The following BEND6 variants were observed in gnomAD, a reference collection of about 807,000 sequenced individuals.
BEND6 encodes BEN domain containing 6.
Under a neutral mutation model 31.8 loss-of-function variants are expected in BEND6, and 24 were observed. The observed-to-expected ratio is 0.75, with a 90% CI of 0.55 to 1.06. The LOEUF (loss-of-function observed/expected upper bound fraction) is 1.06, where lower values mean the gene tolerates loss of function less well. Among genes scored for constraint, BEND6 ranks in the 50% least tolerant of loss-of-function variants. BEND6 has a pLI of 0.00. For missense variants in BEND6, 294 were observed against 327.4 expected, an observed-to-expected ratio of 0.90 and a Z score of 0.79; for synonymous variants, 109 against 114.6, an observed-to-expected ratio of 0.95 and a Z score of 0.31.
chr6:56,999,682 C>T (rs1234104435), intron 3 of BEND6, among the ~76,000 whole-genome samples: 2 of 152,256 alleles, frequency 1.3e-5, no homozygotes. Context: ...GCACAGACCA[C>T]TGTGTACTCC....
At chr6:56,979,755 A>G (rs1279680602) in intron 1 of BEND6, among the ~76,000 whole-genome samples, 3 of 152,192 alleles carry the variant, frequency 2.0e-5, no homozygotes, top group Admixed American at 1.3e-4. Flanking sequence ...AATATCCTAC[A>G]TTTGGCCTAT....
At position 56,980,578 on chromosome 6, in the gene BEND6, C is replaced by G. The variant is rs984781710; in HGVS notation, c.-100-1133C>G. Among the ~76,000 whole-genome samples the G allele has an allele frequency of 1.1e-4, 16 of 152,262 alleles. No homozygotes were observed. The East Asian group carries it at 1.4e-3, about 13-fold the overall frequency. ...GTGAGTCAGATTTGACAGTATAGTC[C>G]TGTGTTAGCTCAAGCACTATTCATG... On this transcript the variant is annotated intron_variant, in intron 1 of 6. Coordinates refer to ENST00000370746, the MANE Select transcript of BEND6 (RefSeq NM_152731.3).
At chr6:57,021,342 G>A (rs1158001087) in intron 6 of BEND6, among the ~76,000 whole-genome samples, 1 of 152,042 alleles carries the variant, frequency 6.6e-6, no homozygotes, top group Non-Finnish European at 1.5e-5. Context: ...TAACTCACAG[G>A]AGCCTATGGC....
At chr6:57,012,629 C>G (rs1340611886) in intron 3 of BEND6, among the ~76,000 whole-genome samples, 3 of 151,998 alleles carry the variant, frequency 2.0e-5, no homozygotes, top group African/African-American at 7.3e-5. Context: ...TTTAATAAAA[C>G]AGGCAAAATA....
At chr6:56,989,464 T>A (rs187073986) in intron 2 of BEND6, among the ~76,000 whole-genome samples, 4 of 152,316 alleles carry the variant, frequency 2.6e-5, no homozygotes, top group Admixed American at 2.6e-4. Context: ...GTTTCTCTTA[T>A]GTATAGACCT....
chr6:56,986,973 C>CTTT (rs869195941), intron 2 of BEND6, among the ~76,000 whole-genome samples: 5 of 123,810 alleles, frequency 4.0e-5, no homozygotes, highest in African/African-American at 6.0e-5. Context: ...TGTTTCTTTT[C>CTTT]TTTTTTTTTT....
At chr6:57,012,923 A>G (rs1304290132) in intron 3 of BEND6, among the ~76,000 whole-genome samples, 2 of 152,048 alleles carry the variant, frequency 1.3e-5, no homozygotes, top group Non-Finnish European at 2.9e-5. Flanking sequence ...CTGTGCCTCT[A>G]ACGACCCCCT....
chr6:57,015,211 C>T lies in BEND6; in HGVS notation c.377C>T (p.Ser126Phe). The T allele has an allele frequency of 6.2e-7, 1 of 1,614,148 alleles. No homozygotes were observed. The highest frequency in any genetic ancestry group is 8.5e-7 in the Non-Finnish European group (1 of 1,180,026). ...EALLKGGGTM[S>F]TSASTLWRAT... ...CTGCTTAAGGGTGGGGGAACCATGT[C>T]TACATCTGCATCCACCCTCTGGAGA... Residue 126 changes from serine (S) to phenylalanine (F), a missense_variant, in exon 4 of 7, where the codon TCT (serine) becomes TTT (phenylalanine). By Grantham distance (155) the Ser-to-Phe change is radical. Transcript: ENST00000370746.
intron 5 of BEND6, 140 bp downstream of exon 5, chr6:57,017,539 C>T: frequency 3.0e-6 from 2 of 663,602 alleles, no homozygotes; most frequent in Non-Finnish European, 4.3e-6. Context: ...GTCTAAAGCT[C>T]TCATTAAATA....
rs200334204 is a variant in BEND6 at position 57,018,447 on chromosome 6, A to G, written c.739A>G (p.Thr247Ala). 57 of 1,585,096 alleles carry G rather than the reference A, an allele frequency of 3.6e-5. No individual in the cohort carries two copies. Among genetic ancestry groups the G allele is most frequent in the Non-Finnish European group, 4.6e-5 (54 of 1,171,116 alleles). ...AGTAACAAAACAATTATTTCCCAAT[A>G]CGGATGATGTTTCAATTAGGAGAAT... is the stretch of plus-strand genomic sequence containing the variant. ...IGVTKQLFPN[T>A]DDVSIRRMIG... Residue 247 changes from threonine (T) to alanine (A), a missense_variant, in exon 6 of 7, where the codon ACG becomes GCG. Coordinates refer to ENST00000370746, the MANE Select transcript of BEND6 (RefSeq NM_152731.3).
chr6:56,995,101 T>C (rs914138413), intron 3 of BEND6, among the ~76,000 whole-genome samples: 7 of 151,918 alleles, frequency 4.6e-5, no homozygotes, highest in African/African-American at 1.7e-4. Flanking sequence ...CCAGATCCCA[T>C]CCCCTTTTTT....
intron 3 of BEND6, chr6:57,010,876 T>C: frequency 1.5e-6 from 1 of 674,954 alleles, no homozygotes; most frequent in Non-Finnish European, 1.8e-6. Flanking sequence ...TAAAATGTTA[T>C]AAAATTAAAA....
intron 6 of BEND6, among the ~76,000 whole-genome samples, chr6:57,021,884 G>A (rs34949810): frequency 0.011 from 1,733 of 152,242 alleles, 14 homozygotes; most frequent in South Asian, 0.023. Flanking sequence ...TTCCTCCAAC[G>A]CAGGGTATTT....
At position 57,015,063 on chromosome 6, in the gene BEND6, C is replaced by T. The variant is rs889291684; in HGVS notation, c.299-70C>T. On this transcript the variant is annotated intron_variant, in intron 3 of 6. Transcript: ENST00000370746. ...CATATTTCTATGCACATACACTCAA[C>T]AAAAAAATATGTACATATGCACCTA... 1.2e-5 allele frequency: 17 copies of T among 1,363,922 alleles called. No individual in the cohort carries two copies. The East Asian group carries it at 3.8e-4, about 30-fold the overall frequency. The allele number at this position is 1,363,922 out of a possible 1,614,324, so 84.5% of individuals were successfully genotyped here.
chr6:56,962,583 C>G (rs1825328732), intron 1 of BEND6, among the ~76,000 whole-genome samples: 1 of 152,182 alleles, frequency 6.6e-6, no homozygotes, highest in Non-Finnish European at 1.5e-5. Context: ...TCCTGGGTGC[C>G]TCAGACCCCC....
intron 3 of BEND6, chr6:57,008,170 C>T: frequency 1.4e-6 from 1 of 702,896 alleles, no homozygotes; most frequent in Non-Finnish European, 2.6e-6. Flanking sequence ...TCTATCTTAT[C>T]TCCTTTACAG....
chr6:56,967,910 T>C (rs56381984), intron 1 of BEND6, among the ~76,000 whole-genome samples: 19,516 of 152,260 alleles, frequency 0.13, 1,466 homozygotes, highest in Middle Eastern at 0.2. Context: ...AAAGTGTGGA[T>C]AATACTTGTT....
chr6:56,960,720 G>A (rs1284385767), intron 1 of BEND6, among the ~76,000 whole-genome samples: 2 of 152,174 alleles, frequency 1.3e-5, no homozygotes, highest in Non-Finnish European at 2.9e-5. Context: ...ACCAAGGAGA[G>A]CAGAAAATTG....
intron 3 of BEND6, among the ~76,000 whole-genome samples, chr6:56,996,576 G>T (rs530374669): frequency 6.6e-6 from 1 of 152,252 alleles, no homozygotes; most frequent in South Asian, 2.1e-4. Flanking sequence ...TGACTGATAG[G>T]CTAACATGTT....
Sources: gnomAD v4.1 joint callset for allele counts (sites outside exome capture counted in the v4.1 genomes callset) on GRCh38, gnomAD v4.1.1 for gene constraint, MANE v1.5 for transcripts, NCBI Gene and HGNC (gene_info 2026-07-23, HGNC 2026-07-21) for gene names.